TMEM178B: variants seen among roughly 807,000 people sequenced by gnomAD.
The protein encoded by TMEM178B is transmembrane protein 178B.
TMEM178B carries 5 observed loss-of-function variants against 31.0 expected under a neutral mutation model. That is an observed-to-expected ratio of 0.16 (90% CI 0.08 to 0.34). TMEM178B has a LOEUF of 0.34. TMEM178B is among the 10% of genes least tolerant of loss of function. The pLI is 1.00. For synonymous variants in TMEM178B, 164 were observed against 164.0 expected (o/e 1.00, Z 0.00); for missense variants, 275 against 400.3 (o/e 0.69, Z 2.67).
intron 2 of TMEM178B, among the ~76,000 whole-genome samples, chr7:141,359,460 C>T (rs1799879613): frequency 6.6e-6 from 1 of 152,162 alleles, no homozygotes; most frequent in Non-Finnish European, 1.5e-5. Flanking sequence ...CCTAATTGAC[C>T]CATTATCATT....
rs548498639 is a variant in TMEM178B, at chr7:141,417,166, C to T, written c.497-20442C>T. On this transcript the variant is annotated intron_variant, in intron 2 of 3. Transcript: ENST00000565468. ...GCTACCTCATCATCCAGGAGAGACA[C>T]TGTGGGCTGCTAGTCATTCATGCTC... Among the ~76,000 whole-genome samples, 9 of 152,306 alleles carry T rather than the reference C, an allele frequency of 5.9e-5. No homozygotes were observed. In the South Asian group the frequency reaches 1.9e-3, roughly 32 times the overall value.
chr7:141,291,492 T>G (rs1586874124), intron 2 of TMEM178B, among the ~76,000 whole-genome samples: 1 of 152,162 alleles, frequency 6.6e-6, no homozygotes, highest in South Asian at 2.1e-4. Flanking sequence ...TAAAACTCTT[T>G]GTTGAGTAAT....
In TMEM178B at chr7:141,130,327, T is replaced by C. The variant is rs554173881; in HGVS notation, c.382+55635T>C. 7.2e-5 allele frequency among the ~76,000 whole-genome samples: 11 copies of C among 152,294 alleles called. No individual in the cohort carries two copies. In the South Asian group the frequency reaches 2.3e-3, roughly 32 times the overall value. ...TAAATAAAACTCATCTGATAAGAAT[T>C]TACGGTTTGTAGGGCATGACTCCCC... On this transcript the variant is annotated intron_variant, in intron 1 of 3. Coordinates refer to ENST00000565468, the MANE Select transcript of TMEM178B (RefSeq NM_001195278.2).
At chr7:141,497,513 T>C in the TMEM178B span, among the ~76,000 whole-genome samples, 1 of 152,224 alleles carries the variant, frequency 6.6e-6, no homozygotes, top group South Asian at 2.1e-4. Context: ...AGATCTAATA[T>C]AGACTGTAGC....
intron 1 of TMEM178B, among the ~76,000 whole-genome samples, chr7:141,209,534 T>C (rs1797017398): frequency 6.6e-6 from 1 of 152,336 alleles, no homozygotes; most frequent in African/African-American, 2.4e-5. Flanking sequence ...TCAAAGCACA[T>C]GTTATTGGTG....
chr7:141,491,153 G>T, the TMEM178B span, among the ~76,000 whole-genome samples: 1 of 151,994 alleles, frequency 6.6e-6, no homozygotes, highest in East Asian at 1.9e-4. Flanking sequence ...TCAGCCTCCT[G>T]AGTAGCTGGG....
intron 2 of TMEM178B, among the ~76,000 whole-genome samples, chr7:141,419,843 TCACTACGATCTA>T (rs1311945810): frequency 2.0e-5 from 3 of 152,198 alleles, no homozygotes; most frequent in African/African-American, 7.2e-5. Flanking sequence ...TTCTAACAGA[TCACTACGATCTA>T]TTATATGGCT....
chr7:141,193,595 T>C (rs1796732322), intron 1 of TMEM178B, among the ~76,000 whole-genome samples: 1 of 152,164 alleles, frequency 6.6e-6, no homozygotes, highest in East Asian at 1.9e-4. Context: ...GCAAGCACAG[T>C]GTGCAGGGAG....
intron 1 of TMEM178B, among the ~76,000 whole-genome samples, chr7:141,187,999 A>G (rs1796638386): frequency 6.6e-6 from 1 of 152,084 alleles, no homozygotes; most frequent in African/African-American, 2.4e-5. Context: ...TTGGTGTTTT[A>G]GACATGAAGT....
At chr7:141,109,856 G>T (rs1264617783) in intron 1 of TMEM178B, among the ~76,000 whole-genome samples, 1 of 152,018 alleles carries the variant, frequency 6.6e-6, no homozygotes, top group Non-Finnish European at 1.5e-5. Flanking sequence ...CAGGAGGATT[G>T]TTTGAGTCAA....
At position 141,461,017 on chromosome 7, in the gene TMEM178B, A is replaced by T. The variant is rs1238373473; in HGVS notation, c.635-9519A>T. The stretch of plus-strand genomic sequence containing the variant: ...GTGCAGGTCTGAACAAAGCTGTAAA[A>T]TGCTCTCGAGAGCTAAATGCGGCTG... On this transcript the variant is annotated intron_variant, in intron 3 of 3. Transcript: ENST00000565468. The surrounding 1 kb of genome is among the most constrained non-coding windows in gnomAD (Gnocchi z 4.0). Among the ~76,000 whole-genome samples, 2 of 151,924 alleles carry T rather than the reference A, an allele frequency of 1.3e-5. No individual in the cohort carries two copies. Among genetic ancestry groups the T allele is most frequent in the Non-Finnish European group, 2.9e-5 (2 of 68,038 alleles).
At chr7:141,122,170 A>G (rs1795418533) in intron 1 of TMEM178B, among the ~76,000 whole-genome samples, 2 of 152,230 alleles carry the variant, frequency 1.3e-5, no homozygotes, top group Admixed American at 1.3e-4. Flanking sequence ...TATTTAATAA[A>G]TAAATAAGAC....
At chr7:141,342,167 C>T (rs1275023462) in intron 2 of TMEM178B, among the ~76,000 whole-genome samples, 3 of 152,130 alleles carry the variant, frequency 2.0e-5, no homozygotes, top group African/African-American at 7.2e-5. Context: ...AGGCTGGTCT[C>T]AAACTACTGA....
chr7:141,399,597 T>G (rs1170860999), intron 2 of TMEM178B, among the ~76,000 whole-genome samples: 1 of 152,236 alleles, frequency 6.6e-6, no homozygotes, highest in Admixed American at 6.5e-5. Flanking sequence ...CTAAGCTTGC[T>G]AGACACCTCT....
rs184372361 is a variant in TMEM178B, at chr7:141,324,489, A to T, written c.496+111785A>T. On this transcript the variant is annotated intron_variant, in intron 2 of 3. Coordinates refer to ENST00000565468, the MANE Select transcript of TMEM178B (RefSeq NM_001195278.2). ...TGAAAAATGCAGCTGCCATTAACTGAGATGGAGATAAGTGCTCCTGGTGTG... is the reference window on the plus strand; with the variant it reads ...TGAAAAATGCAGCTGCCATTAACTGTGATGGAGATAAGTGCTCCTGGTGTG... 1.5e-4 allele frequency among the ~76,000 whole-genome samples: 19 copies of T among 124,124 alleles called. No individual in the cohort carries two copies. In the East Asian group the frequency reaches 1.8e-3, roughly 12 times the overall value. 81.4% of individuals were successfully genotyped at this position (124,124 alleles called of 152,430 possible). A position where few individuals can be genotyped will look rare whatever the true frequency, so the allele number is the denominator to read the frequency against.
At chr7:141,166,864 T>A (rs909679234) in intron 1 of TMEM178B, among the ~76,000 whole-genome samples, 1 of 152,212 alleles carries the variant, frequency 6.6e-6, no homozygotes, top group Non-Finnish European at 1.5e-5. Flanking sequence ...GCTATTGCTT[T>A]TCCTCCTGAA....
intron 1 of TMEM178B, among the ~76,000 whole-genome samples, chr7:141,116,047 G>T (rs77432110): frequency 6.6e-6 from 1 of 152,218 alleles, no homozygotes; most frequent in Non-Finnish European, 1.5e-5. Context: ...TGGCAAATGA[G>T]TATGGCGCTG....
At chr7:141,451,239 C>T (rs1312770498) in intron 3 of TMEM178B, among the ~76,000 whole-genome samples, 1 of 152,218 alleles carries the variant, frequency 6.6e-6, no homozygotes, top group East Asian at 1.9e-4. Context: ...CCTTTATACA[C>T]CTCTGTATCA....
chr7:141,305,798 C>G (rs945088205), intron 2 of TMEM178B, among the ~76,000 whole-genome samples: 1 of 152,204 alleles, frequency 6.6e-6, no homozygotes, highest in Middle Eastern at 3.4e-3. Context: ...TCCCTCTGTA[C>G]CTCTCCAGGT....
Sources: gnomAD v4.1 joint callset for allele counts (sites outside exome capture counted in the v4.1 genomes callset) on GRCh38, gnomAD v4.1.1 for gene constraint, Gnocchi (gnomAD v3.1) non-coding constraint, MANE v1.5 for transcripts, NCBI Gene and HGNC (gene_info 2026-07-23, HGNC 2026-07-21) for gene names.